GABRD: variants seen among roughly 807,000 people sequenced by gnomAD.
GABRD encodes gamma-aminobutyric acid receptor subunit delta.
Under a neutral mutation model 47.3 loss-of-function variants are expected in GABRD, and 25 were observed. The ratio of observed to expected loss-of-function variants is 0.53; its 90% CI spans 0.39 to 0.74. The LOEUF is 0.74. Ranked by LOEUF, GABRD falls within the 30% of genes least tolerant of loss-of-function variation. GABRD has a pLI of 0.00. For synonymous variants in GABRD, 314 were observed against 278.8 expected, an observed-to-expected ratio of 1.13 and a Z score of -1.26; for missense variants, 497 against 643.4, an observed-to-expected ratio of 0.77 and a Z score of 2.46.
At position 2,028,164 on chromosome 1, in the gene GABRD, C is replaced by G. The variant is rs1441225021; in HGVS notation, c.563C>G (p.Ser188Ter). The G allele has an allele frequency of 1.9e-6, 3 of 1,611,346 alleles. No individual in the cohort carries two copies. The highest frequency in any genetic ancestry group is 2.5e-6 in the Non-Finnish European group (3 of 1,178,982). ...TGTGCTTTTCCTCCAGACGGTTACT[C>G]ATCGGAGGACATCGTCTACTACTGG... ...CMLDLESYGY[S>*]SEDIVYYWSE... is the part of the protein sequence containing the mutation. Residue 188 changes from serine to a stop codon, truncating the protein, a stop_gained, in exon 6 of 9, where the codon TCA becomes TGA. Coordinates refer to ENST00000378585, the MANE Select transcript of GABRD (RefSeq NM_000815.5). LOFTEE classifies it high-confidence loss of function. This position sits in a 1 kb window ranked among gnomAD's most constrained non-coding sequence, Gnocchi z 6.4.
chr1:2,021,599 C>T (rs964387713), intron 1 of GABRD, among the ~76,000 whole-genome samples: 16 of 152,172 alleles, frequency 1.1e-4, no homozygotes, highest in East Asian at 1.9e-4. Context: ...TGGGTCGGCC[C>T]GGAGTGTGAA....
intron 1 of GABRD, among the ~76,000 whole-genome samples, chr1:2,021,641 C>T (rs1242248572): frequency 4.6e-5 from 7 of 152,186 alleles, no homozygotes; most frequent in Non-Finnish European, 1.0e-4. Context: ...CCGAGCTTGC[C>T]GACTGCATGC....
Position 2,025,716 on chromosome 1 carries a change from G to A in GABRD, c.448G>A (p.Gly150Ser), listed in dbSNP as rs781431062. 7 of 1,612,810 alleles carry A rather than the reference G, an allele frequency of 4.3e-6. No individual in the cohort carries two copies. The highest frequency in any genetic ancestry group is 3.3e-5 in the Admixed American group (2 of 60,028). ...ENKLIRLQPD[G>S]VILYSIRITS... is the part of the protein sequence containing the mutation. The stretch of plus-strand genomic sequence containing the variant: ...CAAGCTCATCCGGCTGCAGCCCGAC[G>A]GCGTGATCCTGTACAGCATCCGGTG... The change falls in exon 4 of 9, where the codon GGC becomes AGC. Residue 150 changes from glycine to serine, a missense_variant. By Grantham distance (56) the Gly-to-Ser change is moderately conservative. Coordinates refer to ENST00000378585, the MANE Select transcript of GABRD (RefSeq NM_000815.5).
In GABRD at chr1:2,028,879, C is replaced by T; in HGVS notation, c.692-232C>T. 3.4e-6 allele frequency: 2 copies of T among 586,616 alleles called. No homozygotes were observed. Among genetic ancestry groups the T allele is most frequent in the Admixed American group, 3.1e-5 (1 of 32,204 alleles). 36.3% of individuals were successfully genotyped at this position (586,616 alleles called of 1,614,324 possible). ...ATGAGGCCAGCAGTAACCTCAGCCT[C>T]TCTCCCTCTCCTCTGGGTGACACTG... On this transcript the variant is annotated intron_variant, in intron 6 of 8. Coordinates refer to ENST00000378585, the MANE Select transcript of GABRD (RefSeq NM_000815.5). This position sits in a 1 kb window ranked among gnomAD's most constrained non-coding sequence, Gnocchi z 6.4.
Position 2,029,927 on chromosome 1 carries a change from C to G in GABRD, c.1060-56C>G, listed in dbSNP as rs940999786. On this transcript the variant is annotated intron_variant, in intron 8 of 8. Coordinates refer to ENST00000378585, the MANE Select transcript of GABRD (RefSeq NM_000815.5). ...GCATGGGAACACCTGTGGTCCAGGG[C>G]CCTGGGAGCTGCACCCCAGTGCTCA... The G allele has an allele frequency of 2.5e-6, 4 of 1,595,702 alleles. No individual in the cohort carries two copies. In the African/African-American group the frequency reaches 5.4e-5, roughly 21 times the overall value.
intron 1 of GABRD, among the ~76,000 whole-genome samples, chr1:2,021,167 G>A (rs879730638): frequency 1.3e-5 from 2 of 152,200 alleles, no homozygotes; most frequent in African/African-American, 4.8e-5. Flanking sequence ...GAGGTGCACT[G>A]CTTTGCTCAG....
intron 1 of GABRD, among the ~76,000 whole-genome samples, chr1:2,023,086 G>T (rs1445705030): frequency 2.0e-5 from 3 of 152,118 alleles, no homozygotes; most frequent in Admixed American, 2.0e-4. Flanking sequence ...AAGGCTGGAT[G>T]CAGGGAGAGG....
At position 2,024,967 on chromosome 1, in the gene GABRD, G is replaced by C; in HGVS notation, c.94G>C (p.Val32Leu). The change falls in exon 2 of 9, where the codon GTG becomes CTG. Residue 32 changes from valine (V) to leucine (L), a missense_variant. This residue lies in a region of GABRD where 91 missense variants were observed against 85.5 expected (regional missense o/e 1.06). Coordinates refer to ENST00000378585, the MANE Select transcript of GABRD (RefSeq NM_000815.5). ...TRAMNDIGDYVGSNLEISWLP... is the reference protein window; with the variant it reads ...TRAMNDIGDYLGSNLEISWLP... ...AGCGATGAATGACATCGGCGACTAC[G>C]TGGGCTCCAACCTGGAGATCTCCTG... The C allele has an allele frequency of 6.2e-7, 1 of 1,612,830 alleles. No homozygotes were observed. Among genetic ancestry groups the C allele is most frequent in the Non-Finnish European group, 8.5e-7 (1 of 1,179,720 alleles).
In GABRD at chr1:2,029,358, C is replaced by T. The variant is rs1265831825; in HGVS notation, c.847+92C>T. Reference sequence around the variant, plus strand: ...CCTCGGCTGGGGGCTCAGCACTGGCCTCTGGACCATGCCAGCTGTCCTGGG... The same window carrying T: ...CCTCGGCTGGGGGCTCAGCACTGGCTTCTGGACCATGCCAGCTGTCCTGGG... On this transcript the variant is annotated intron_variant, in intron 7 of 8. Coordinates refer to ENST00000378585, the MANE Select transcript of GABRD (RefSeq NM_000815.5). The T allele has an allele frequency of 2.7e-6, 4 of 1,466,388 alleles. No individual in the cohort carries two copies. The Admixed American group carries it at 6.2e-5, about 23-fold the overall frequency. 90.8% of individuals were successfully genotyped at this position (1,466,388 alleles called of 1,614,324 possible). A position where few individuals can be genotyped will look rare whatever the true frequency, so the allele number is the denominator to read the frequency against.
intron 5 of GABRD, 133 bp downstream of exon 5, chr1:2,027,792 A>T: frequency 1.2e-6 from 1 of 828,464 alleles, no homozygotes; most frequent in Non-Finnish European, 2.0e-6. Context: ...TGCATGCAAG[A>T]AGCCTGGGCA....
rs61775361 is a variant in GABRD at position 2,024,576 on chromosome 1, C to G, written c.69-366C>G. The G allele has an allele frequency of 6.2e-3, 1,078 of 173,022 alleles. 4 individuals carry two copies. The highest frequency in any genetic ancestry group is 0.011 in the Non-Finnish European group (864 of 81,586). The allele number at this position is 173,022 out of a possible 1,614,324, so 10.7% of individuals were successfully genotyped here. A position where few individuals can be genotyped will look rare whatever the true frequency, so the allele number is the denominator to read the frequency against. ...TGGTGAGGGACCCCAGGGGTGGAGA[C>G]CCGAGGCCGGCCTCCGCGGGCTGGT... On this transcript the variant is annotated intron_variant, in intron 1 of 8. Transcript: ENST00000378585.
intron 1 of GABRD, among the ~76,000 whole-genome samples, chr1:2,019,703 C>G (rs1658722999): frequency 6.6e-6 from 1 of 151,988 alleles, no homozygotes; most frequent in Non-Finnish European, 1.5e-5. Flanking sequence ...GCGGCGACCC[C>G]CGCGCTGGCC....
chr1:2,027,576 G>A lies in GABRD; in HGVS notation c.471-1G>A. 6.2e-7 allele frequency: 1 copy of A among 1,612,932 alleles called. No homozygotes were observed. Among genetic ancestry groups the A allele is most frequent in the Non-Finnish European group, 8.5e-7 (1 of 1,179,544 alleles). ...CCTCACTGCCATGCTTGTCTTGGCA[G>A]AATCACCTCCACTGTGGCCTGCGAC... On this transcript the variant is annotated splice_acceptor_variant, in intron 4 of 8. Coordinates refer to ENST00000378585, the MANE Select transcript of GABRD (RefSeq NM_000815.5). LOFTEE classifies it high-confidence loss of function.
At chr1:2,021,415 A>C (rs1571023727) in intron 1 of GABRD, among the ~76,000 whole-genome samples, 1 of 151,016 alleles carries the variant, frequency 6.6e-6, no homozygotes, top group Non-Finnish European at 1.5e-5. Context: ...GTGCCCCTAC[A>C]CTCCAGAAAC....
chr1:2,022,733 CT>C (rs1658814369), intron 1 of GABRD, among the ~76,000 whole-genome samples: 1 of 152,240 alleles, frequency 6.6e-6, no homozygotes, highest in Non-Finnish European at 1.5e-5. Context: ...GTGCCTGCTC[CT>C]CCTTAGCCCT....
In GABRD at chr1:2,028,108, C is replaced by T. The variant is rs756480246; in HGVS notation, c.554-47C>T. The stretch of plus-strand genomic sequence containing the variant: ...GACGGAGCGCTCCTGCCAGGGCTCC[C>T]GGGGCAGGGCCGGGCTCTGCCGCCC... On this transcript the variant is annotated intron_variant, in intron 5 of 8. Coordinates refer to ENST00000378585, the MANE Select transcript of GABRD (RefSeq NM_000815.5). The surrounding 1 kb of genome is among the most constrained non-coding windows in gnomAD (Gnocchi z 6.4). 4.5e-5 allele frequency: 72 copies of T among 1,583,072 alleles called. No individual in the cohort carries two copies. The highest frequency in any genetic ancestry group is 9.1e-5 in the East Asian group (4 of 44,140).
In GABRD at chr1:2,028,245, C is replaced by A. The variant is rs1186381613; in HGVS notation, c.644C>A (p.Thr215Asn). Residue 215 changes from threonine (T) to asparagine (N), a missense_variant, in exon 6 of 9, where the codon ACC becomes AAC. Thr to Asn is a moderately conservative substitution (Grantham distance 65). Coordinates refer to ENST00000378585, the MANE Select transcript of GABRD (RefSeq NM_000815.5). The surrounding 1 kb of genome is among the most constrained non-coding windows in gnomAD (Gnocchi z 6.4). ...GACAAGCTGCAGCTGGCGCAGTTCACCATCACCAGCTACCGCTTCACCACG... is the reference window on the plus strand; with the variant it reads ...GACAAGCTGCAGCTGGCGCAGTTCAACATCACCAGCTACCGCTTCACCACG... ...GLDKLQLAQFTITSYRFTTEL... is the reference protein window; with the variant it reads ...GLDKLQLAQFNITSYRFTTEL... 1.2e-6 allele frequency: 2 copies of A among 1,612,214 alleles called. No homozygotes were observed. The highest frequency in any genetic ancestry group is 1.7e-6 in the Non-Finnish European group (2 of 1,179,760).
rs575455694 is a variant in GABRD at position 2,030,018 on chromosome 1, C to A, written c.1095C>A (p.Leu365=). ...DVRNAIVLFS[L]SAAGVTQELA... is the part of the protein sequence containing the mutation. Reference sequence around the variant, plus strand: ...GGAACGCCATTGTCCTCTTCTCCCTCTCTGCTGCCGGCGTCACGCAGGAGC... The same window carrying A: ...GGAACGCCATTGTCCTCTTCTCCCTATCTGCTGCCGGCGTCACGCAGGAGC... The change falls in exon 9 of 9, where the codon CTC becomes CTA. Residue 365 remains leucine, a synonymous_variant. Coordinates refer to ENST00000378585, the MANE Select transcript of GABRD (RefSeq NM_000815.5). 6.2e-7 allele frequency: 1 copy of A among 1,612,728 alleles called. No homozygotes were observed. The highest frequency in any genetic ancestry group is 8.5e-7 in the Non-Finnish European group (1 of 1,179,896).
intron 3 of GABRD, 50 bp from the exon 4 acceptor site, chr1:2,025,468 C>T (rs1462017102): frequency 1.2e-6 from 2 of 1,611,478 alleles, no homozygotes; most frequent in East Asian, 2.2e-5. Flanking sequence ...GGCTGCATGC[C>T]CCTGGGGGTG....
Sources: allele counts gnomAD v4.1 joint callset (sites outside exome capture counted in the v4.1 genomes callset), GRCh38; gene constraint gnomAD v4.1.1; regional missense constraint gnomAD v4.1.1; non-coding constraint Gnocchi (gnomAD v3.1); transcripts MANE v1.5; gene names NCBI Gene and HGNC (gene_info 2026-07-23, HGNC 2026-07-21).